The following NAV3 variants were observed in gnomAD, a reference collection of about 807,000 sequenced individuals.
NAV3 encodes pore membrane and/or filament interacting like protein 1.
NAV3 carries 87 observed loss-of-function variants against 244.7 expected under a neutral mutation model. The observed-to-expected ratio is 0.36, with a 90% CI of 0.30 to 0.42. NAV3 has a LOEUF of 0.42. Ranked by LOEUF, NAV3 falls within the 20% of genes least tolerant of loss-of-function variation. The pLI, the probability that NAV3 is intolerant of heterozygous loss-of-function variation, is 1.00. For missense variants in NAV3, 2,663 were observed against 2,893.3 expected, an observed-to-expected ratio of 0.92 and a Z score of 1.83; for synonymous variants, 1,126 against 1,042.2, an observed-to-expected ratio of 1.08 and a Z score of -1.55.
intron 1 of NAV3, among the ~76,000 whole-genome samples, chr12:77,921,307 C>A (rs975366747): frequency 4.6e-5 from 7 of 151,944 alleles, no homozygotes; most frequent in African/African-American, 1.7e-4. Flanking sequence ...TAAGGCAATA[C>A]CGACTGTGAA....
At chr12:78,175,700 C>G (rs1457469777) in intron 25 of NAV3, among the ~76,000 whole-genome samples, 1 of 151,830 alleles carries the variant, frequency 6.6e-6, no homozygotes, top group Non-Finnish European at 1.5e-5. Flanking sequence ...CAGTTAATAG[C>G]AACTATATTT....
chr12:78,006,634 C>T lies in NAV3; in HGVS notation c.1096C>T (p.Leu366=), dbSNP rs938361718. Reference sequence around the variant, plus strand: ...CTCCCCCACACCATCTTCAGACAGACTGAAGCCACCTGTCTCAGAAGGGGT... The same window carrying T: ...CTCCCCCACACCATCTTCAGACAGATTGAAGCCACCTGTCTCAGAAGGGGT... ...ATSPTPSSDR[L]KPPVSEGVKT... Residue 366 remains leucine (L), a synonymous_variant, in exon 8 of 40, where the codon CTG becomes TTG. Transcript: ENST00000397909. The T allele has an allele frequency of 4.3e-6, 7 of 1,614,032 alleles. No homozygotes were observed. The highest frequency in any genetic ancestry group is 5.9e-6 in the Non-Finnish European group (7 of 1,180,030).
At chr12:78,098,678 AG>A (rs1344291467) in intron 12 of NAV3, among the ~76,000 whole-genome samples, 1 of 151,774 alleles carries the variant, frequency 6.6e-6, no homozygotes, top group Non-Finnish European at 1.5e-5. Flanking sequence ...GTTAATTAAA[AG>A]GAAAAACAAA....
At chr12:77,964,150 A>G (rs1463052901) in intron 3 of NAV3, among the ~76,000 whole-genome samples, 1 of 151,816 alleles carries the variant, frequency 6.6e-6, no homozygotes. Context: ...CTAACACTCA[A>G]TTTAGAAATC....
chr12:77,613,379 T>C (rs1240697050), intron 2 of NAV3, among the ~76,000 whole-genome samples: 1 of 152,108 alleles, frequency 6.6e-6, no homozygotes, highest in African/African-American at 2.4e-5. Flanking sequence ...TTTGAGGGCA[T>C]TGGGAGCATT....
At chr12:77,615,889 G>T (rs1222996628) in intron 2 of NAV3, among the ~76,000 whole-genome samples, 1 of 152,042 alleles carries the variant, frequency 6.6e-6, no homozygotes, top group African/African-American at 2.4e-5. Flanking sequence ...CTCTTCCCTT[G>T]TTTAAATGAG....
At chr12:77,602,653 G>T (rs1412741758) in intron 2 of NAV3, among the ~76,000 whole-genome samples, 1 of 151,618 alleles carries the variant, frequency 6.6e-6, no homozygotes, top group African/African-American at 2.4e-5. Context: ...AGATAGGGGG[G>T]AATGTGTTAG....
At chr12:78,209,548 A>G (rs1328071646) in intron 39 of NAV3, among the ~76,000 whole-genome samples, 3 of 139,618 alleles carry the variant, frequency 2.1e-5, no homozygotes, top group East Asian at 2.1e-4. Context: ...TTTTTTTCCG[A>G]AAAAAAAAAA....
At chr12:77,842,792 C>T (rs979596482) in intron 1 of NAV3, among the ~76,000 whole-genome samples, 1 of 152,094 alleles carries the variant, frequency 6.6e-6, no homozygotes, top group Non-Finnish European at 1.5e-5. Context: ...ACCGAACAAT[C>T]TCTTTTTAAA....
intron 22 of NAV3, among the ~76,000 whole-genome samples, chr12:78,149,476 GC>G (rs1018277779): frequency 1.3e-5 from 2 of 152,046 alleles, no homozygotes; most frequent in African/African-American, 4.8e-5. Flanking sequence ...GCCCAGGATG[GC>G]AGAAATGATG....
intron 2 of NAV3, among the ~76,000 whole-genome samples, chr12:77,628,721 TA>T (rs897954264): frequency 6.1e-4 from 87 of 143,654 alleles, no homozygotes; most frequent in Admixed American, 7.7e-4. Context: ...CTATCTCTAC[TA>T]AAAAAAAAAA....
intron 2 of NAV3, among the ~76,000 whole-genome samples, chr12:77,610,336 CT>C (rs1302491378): frequency 6.6e-6 from 1 of 151,968 alleles, no homozygotes; most frequent in African/African-American, 2.4e-5. Flanking sequence ...TTAAGTACAC[CT>C]TTTACTTAAT....
intron 2 of NAV3, among the ~76,000 whole-genome samples, chr12:77,723,468 A>G (rs995289422): frequency 7.9e-5 from 12 of 152,052 alleles, no homozygotes; most frequent in Non-Finnish European, 1.5e-5. Context: ...TAGTCAAGCT[A>G]TGTGAACAGC....
At chr12:77,606,729 A>G (rs1870686690) in intron 2 of NAV3, among the ~76,000 whole-genome samples, 2 of 152,138 alleles carry the variant, frequency 1.3e-5, no homozygotes, top group African/African-American at 2.4e-5. Context: ...CATATTTTCT[A>G]CAGTGCATTT....
intron 12 of NAV3, among the ~76,000 whole-genome samples, chr12:78,059,642 C>G (rs926066328): frequency 1.3e-5 from 2 of 151,938 alleles, no homozygotes; most frequent in Non-Finnish European, 2.9e-5. Flanking sequence ...CATTTTAGCT[C>G]TGTAATACCA....
intron 3 of NAV3, among the ~76,000 whole-genome samples, chr12:77,959,751 T>G (rs923743511): frequency 2.0e-5 from 3 of 151,550 alleles, no homozygotes; most frequent in African/African-American, 7.3e-5. Flanking sequence ...TCAATTTTTA[T>G]GGACTATTGA....
At chr12:77,812,484 G>A (rs896055925) in intron 2 of NAV3, among the ~76,000 whole-genome samples, 1 of 150,856 alleles carries the variant, frequency 6.6e-6, no homozygotes, top group African/African-American at 2.4e-5. Context: ...ACTATCTCGG[G>A]GCTCACTGCA....
intron 1 of NAV3, among the ~76,000 whole-genome samples, chr12:77,841,073 G>A (rs1875552942): frequency 6.6e-6 from 1 of 152,152 alleles, no homozygotes; most frequent in South Asian, 2.1e-4. Flanking sequence ...ACTAGTTACT[G>A]GGTCCAATAC....
chr12:77,804,435 C>G (rs1871867875), intron 2 of NAV3, among the ~76,000 whole-genome samples: 1 of 152,102 alleles, frequency 6.6e-6, no homozygotes, highest in Admixed American at 6.5e-5. Flanking sequence ...GGAATCATTT[C>G]CCCATTGCTT....
Sources: gnomAD v4.1 joint callset for allele counts (sites outside exome capture counted in the v4.1 genomes callset) on GRCh38, gnomAD v4.1.1 for gene constraint, MANE v1.5 for transcripts, NCBI Gene and HGNC (gene_info 2026-07-23, HGNC 2026-07-21) for gene names.